Variants in MRPS6 observed in about 807,000 individuals in gnomAD.
MRPS6 encodes mitochondrial ribosomal protein S6, also known as small ribosomal subunit protein bS6m.
In MRPS6, 6 loss-of-function variants were observed where a neutral mutation model predicts 13.1. The ratio of observed to expected loss-of-function variants is 0.46; its 90% CI spans 0.25 to 0.91. The LOEUF is 0.91. Among genes scored for constraint, MRPS6 ranks in the 40% least tolerant of loss-of-function variants. The probability of loss-of-function intolerance (pLI) is 0.18; values close to 1 mark genes in which losing one functional copy is unlikely to be tolerated. For synonymous variants in MRPS6, 61 were observed against 56.5 expected (o/e 1.08, Z -0.36); for missense variants, 164 against 155.6 (o/e 1.05, Z -0.29).
intron 2 of MRPS6, chr21:34,135,317 A>G (rs372824617): frequency 4.5e-5 from 11 of 246,534 alleles, no homozygotes; most frequent in African/African-American, 1.8e-4. Flanking sequence ...GAAAGTGCCA[A>G]ACTATACCAG....
At chr21:34,097,402 C>T (rs1979015442) in intron 1 of MRPS6, 2 of 1,368,264 alleles carry the variant, frequency 1.5e-6, no homozygotes, top group Non-Finnish European at 1.9e-6. Flanking sequence ...ACTGACTGGT[C>T]TTTGGGGAAA....
chr21:34,114,504 G>A (rs773661200), intron 1 of MRPS6, among the ~76,000 whole-genome samples: 3 of 151,610 alleles, frequency 2.0e-5, no homozygotes, highest in Non-Finnish European at 3.0e-5. Flanking sequence ...AAAAATCTTA[G>A]TGTCCAGGAT....
intron 1 of MRPS6, among the ~76,000 whole-genome samples, chr21:34,076,009 G>A (rs1396421947): frequency 2.6e-5 from 4 of 152,152 alleles, no homozygotes; most frequent in African/African-American, 4.8e-5. Context: ...TCAAAGTTGC[G>A]TATCTTCCAC....
Position 34,096,890 on chromosome 21 carries a change from A to G in MRPS6, c.45+23145A>G. 5 of 1,614,176 alleles carry G rather than the reference A, an allele frequency of 3.1e-6. No homozygotes were observed. Among genetic ancestry groups the G allele is most frequent in the South Asian group, 1.1e-5 (1 of 91,084 alleles). On this transcript the variant is annotated intron_variant, in intron 1 of 2. Transcript: ENST00000399312. This position sits in a 1 kb window ranked among gnomAD's most constrained non-coding sequence, Gnocchi z 5.9. Reference sequence around the variant, plus strand: ...AGAACTGCTCCCCAAAAGAGGAACCATACAAAATGCAAGAAAAGAGCATTC... The same window carrying G: ...AGAACTGCTCCCCAAAAGAGGAACCGTACAAAATGCAAGAAAAGAGCATTC...
Position 34,101,361 on chromosome 21 carries a change from A to G in MRPS6, c.46-23980A>G, listed in dbSNP as rs9982224. On this transcript the variant is annotated intron_variant, in intron 1 of 2. Transcript: ENST00000399312. ...GGTTTGATGTTAAGCATTATAAAGT[A>G]CGAAGTTTGTTACCACAGTAGAGAT... 4,728 of 1,000,170 alleles carry G rather than the reference A, an allele frequency of 4.7e-3. 188 individuals carry two copies. The African/African-American group carries it at 0.075, about 16-fold the overall frequency. The allele number at this position is 1,000,170 out of a possible 1,614,324, so 62.0% of individuals were successfully genotyped here. A position where few individuals can be genotyped will look rare whatever the true frequency, so the allele number is the denominator to read the frequency against.
chr21:34,097,698 C>T, intron 1 of MRPS6: 1 of 1,018,422 alleles, frequency 9.8e-7, no homozygotes, highest in Middle Eastern at 5.0e-4. Context: ...ACTGCCAAGT[C>T]TTGGCAGACC....
intron 2 of MRPS6, among the ~76,000 whole-genome samples, 179 bp downstream of exon 2, chr21:34,125,659 C>G (rs1364629873): frequency 6.6e-6 from 1 of 152,144 alleles, no homozygotes; most frequent in Non-Finnish European, 1.5e-5. Context: ...GCTGGCCCTT[C>G]GTGGACTATG....
chr21:34,139,916 A>G lies in MRPS6; in HGVS notation c.186-2492A>G, dbSNP rs116430975. Among the ~76,000 whole-genome samples, 1,350 of 152,224 alleles carry G rather than the reference A, an allele frequency of 8.9e-3. 25 individuals carry two copies. The highest frequency in any genetic ancestry group is 0.031 in the African/African-American group (1,283 of 41,532). ...TTATAATATTTCCTATTATTTTAAT[A>G]TTTATGAAATCTGTAGTTGTTTCAC... is the stretch of plus-strand genomic sequence containing the variant. On this transcript the variant is annotated intron_variant, in intron 2 of 2. Coordinates refer to ENST00000399312, the MANE Select transcript of MRPS6 (RefSeq NM_032476.4).
Position 34,073,836 on chromosome 21 carries a change from C to A in MRPS6, c.45+91C>A, listed in dbSNP as rs79607614. 7.5e-6 allele frequency: 7 copies of A among 935,294 alleles called. No individual in the cohort carries two copies. The East Asian group carries it at 2.0e-4, about 27-fold the overall frequency. 57.9% of individuals were successfully genotyped at this position (935,294 alleles called of 1,614,324 possible). A position where few individuals can be genotyped will look rare whatever the true frequency, so the allele number is the denominator to read the frequency against. On this transcript the variant is annotated intron_variant, in intron 1 of 2. Coordinates refer to ENST00000399312, the MANE Select transcript of MRPS6 (RefSeq NM_032476.4). The stretch of plus-strand genomic sequence containing the variant: ...CCCCCGCGCGCCCTGGCCGCGGGAC[C>A]CCGGGCCTTCCTGCACTCCTCGGAG...
At chr21:34,076,692 G>C (rs1989340671) in intron 1 of MRPS6, among the ~76,000 whole-genome samples, 1 of 152,212 alleles carries the variant, frequency 6.6e-6, no homozygotes, top group Non-Finnish European at 1.5e-5. Context: ...GTAGGTAAAA[G>C]TGTGGTTAAA....
intron 1 of MRPS6, among the ~76,000 whole-genome samples, chr21:34,077,291 CTT>C (rs750183160): frequency 6.6e-6 from 1 of 152,312 alleles, no homozygotes; most frequent in East Asian, 1.9e-4. Flanking sequence ...TTTGTAGACA[CTT>C]TTTATGCCTT....
intron 1 of MRPS6, among the ~76,000 whole-genome samples, chr21:34,108,939 C>CTT (rs1979590699): frequency 6.6e-6 from 1 of 152,126 alleles, no homozygotes; most frequent in African/African-American, 2.4e-5. Context: ...CTCTCTCCTG[C>CTT]TTAGAGCCCC....
At chr21:34,105,121 T>C (rs1979418053) in intron 1 of MRPS6, 1 of 1,000,056 alleles carries the variant, frequency 1.0e-6, no homozygotes, top group African/African-American at 1.7e-5. Context: ...TCCATTAGTG[T>C]CAGATGATGG....
chr21:34,081,763 T>C (rs1989463790), intron 1 of MRPS6, among the ~76,000 whole-genome samples: 1 of 152,204 alleles, frequency 6.6e-6, no homozygotes. Flanking sequence ...CTTTGTGGTC[T>C]TAGGCAAGTC....
chr21:34,104,447 G>A lies in MRPS6; in HGVS notation c.46-20894G>A, dbSNP rs540631380. 9.8e-5 allele frequency: 98 copies of A among 999,816 alleles called. No individual in the cohort carries two copies. In the East Asian group the frequency reaches 4.0e-3, roughly 40 times the overall value. The allele number at this position is 999,816 out of a possible 1,614,324, so 61.9% of individuals were successfully genotyped here. On this transcript the variant is annotated intron_variant, in intron 1 of 2. Transcript: ENST00000399312. ...CTTAAATTTTGCCCATGTGTTAAAA[G>A]ATGTAATTCTCAGAATGGGAGAGAA...
intron 1 of MRPS6, among the ~76,000 whole-genome samples, chr21:34,088,547 A>G (rs1978514916): frequency 6.6e-6 from 1 of 152,254 alleles, no homozygotes; most frequent in Non-Finnish European, 1.5e-5. Flanking sequence ...TGTATTTTCA[A>G]GCACAACTTT....
At chr21:34,077,559 A>G (rs754870464) in intron 1 of MRPS6, among the ~76,000 whole-genome samples, 5 of 152,244 alleles carry the variant, frequency 3.3e-5, no homozygotes, top group Non-Finnish European at 5.9e-5. Context: ...TGCATGTACA[A>G]TAAGATAGCA....
chr21:34,125,008 A>C (rs988349791), intron 1 of MRPS6: 1 of 187,852 alleles, frequency 5.3e-6, no homozygotes, highest in African/African-American at 2.3e-5. Flanking sequence ...AAGGACTGAC[A>C]GTGATTGGCA....
At chr21:34,124,510 T>G (rs1980232785) in intron 1 of MRPS6, 1 of 151,970 alleles carries the variant, frequency 6.6e-6, no homozygotes, top group Admixed American at 6.6e-5. Context: ...TTTTTTTTTT[T>G]TTTTTAAATA....
Sources: allele counts gnomAD v4.1 joint callset (sites outside exome capture counted in the v4.1 genomes callset), GRCh38; gene constraint gnomAD v4.1.1; non-coding constraint Gnocchi (gnomAD v3.1); transcripts MANE v1.5; gene names NCBI Gene and HGNC (gene_info 2026-07-23, HGNC 2026-07-21).